SPATA18: variants seen among roughly 807,000 people sequenced by gnomAD.
The protein encoded by SPATA18 is mitochondria-eating protein.
SPATA18 carries 54 observed loss-of-function variants against 68.1 expected under a neutral mutation model. The observed-to-expected ratio is 0.79, with a 90% CI of 0.64 to 0.99. The LOEUF (loss-of-function observed/expected upper bound fraction) is 0.99, where lower values mean the gene tolerates loss of function less well. Among genes scored for constraint, SPATA18 ranks in the 50% least tolerant of loss-of-function variants. SPATA18 has a pLI of 0.00. For missense variants in SPATA18, 724 were observed against 681.1 expected, an observed-to-expected ratio of 1.06 and a Z score of -0.70; for synonymous variants, 242 against 244.8, an observed-to-expected ratio of 0.99 and a Z score of 0.11.
intron 4 of SPATA18, among the ~76,000 whole-genome samples, chr4:52,064,057 A>C (rs1739114561): frequency 6.6e-6 from 1 of 152,178 alleles, no homozygotes. Flanking sequence ...ATGCTTTAAA[A>C]AAACTTTTCA....
Position 52,062,306 on chromosome 4 carries a change from G to T in SPATA18, c.396G>T (p.Arg132=). 6.2e-7 allele frequency: 1 copy of T among 1,610,824 alleles called. No homozygotes were observed. Among genetic ancestry groups the T allele is most frequent in the Non-Finnish European group, 8.5e-7 (1 of 1,178,170 alleles). ...QQLDSNLNST[R]SQCNQVQDDL... Reference sequence around the variant, plus strand: ...TAGACTCTAATTTGAACTCAACCCGGAGTCAATGCAACCAGGTTCAAGACG... The same window carrying T: ...TAGACTCTAATTTGAACTCAACCCGTAGTCAATGCAACCAGGTTCAAGACG... Residue 132 remains arginine, a synonymous_variant, in exon 4 of 13, where the codon CGG becomes CGT. Coordinates refer to ENST00000295213, the MANE Select transcript of SPATA18 (RefSeq NM_145263.4).
chr4:52,054,058 G>A (rs1248128897), intron 1 of SPATA18, among the ~76,000 whole-genome samples: 2 of 152,194 alleles, frequency 1.3e-5, no homozygotes, highest in Admixed American at 6.5e-5. Flanking sequence ...GAGCAATGCT[G>A]TCCAATAGAA....
At chr4:52,092,348 A>G (rs944421745) in intron 11 of SPATA18, among the ~76,000 whole-genome samples, 1 of 152,036 alleles carries the variant, frequency 6.6e-6, no homozygotes, top group Non-Finnish European at 1.5e-5. Context: ...CTGGTGAGGT[A>G]GTCACTGGAG....
intron 6 of SPATA18, among the ~76,000 whole-genome samples, chr4:52,073,855 A>G (rs1335362093): frequency 2.0e-5 from 3 of 152,198 alleles, no homozygotes; most frequent in African/African-American, 7.2e-5. Flanking sequence ...TTCCAGACAC[A>G]TTAATGTAGA....
chr4:52,061,487 A>AAATAATAATAATAATAATAATAAT (rs3050629), intron 3 of SPATA18, among the ~76,000 whole-genome samples: 1 of 143,538 alleles, frequency 7.0e-6, no homozygotes, highest in Non-Finnish European at 1.5e-5. Flanking sequence ...CCTAAAGTAA[A>AAATAATAATAATAATAATAATAAT]AATAATAATA....
At chr4:52,065,037 T>C (rs1007447374) in intron 4 of SPATA18, among the ~76,000 whole-genome samples, 1 of 152,192 alleles carries the variant, frequency 6.6e-6, no homozygotes, top group Non-Finnish European at 1.5e-5. Context: ...ATGCTGAGCA[T>C]TTTTTTCATA....
intron 1 of SPATA18, 59 bp downstream of exon 1, chr4:52,051,850 T>G: frequency 6.6e-7 from 1 of 1,504,176 alleles, no homozygotes; most frequent in Non-Finnish European, 9.2e-7. Flanking sequence ...GCACAGCCCT[T>G]GTCGGGGATT....
At position 52,079,749 on chromosome 4, in the gene SPATA18, G is replaced by A. The variant is rs769505743; in HGVS notation, c.1185G>A (p.Val395=). The change falls in exon 9 of 13, where the codon GTG becomes GTA. Residue 395 remains valine (V), a synonymous_variant. Coordinates refer to ENST00000295213, the MANE Select transcript of SPATA18 (RefSeq NM_145263.4). The part of the protein sequence containing the change: ...LYDSQSSVND[V]IRAMNVNPKI... ...TGCCATCTTTTGTTTTTCAGGATGTGATCCGAGCCATGAATGTCAATCCCA... is the reference window on the plus strand; with the variant it reads ...TGCCATCTTTTGTTTTTCAGGATGTAATCCGAGCCATGAATGTCAATCCCA... 1.2e-6 allele frequency: 2 copies of A among 1,613,720 alleles called. No homozygotes were observed. Among genetic ancestry groups the A allele is most frequent in the South Asian group, 1.1e-5 (1 of 91,016 alleles).
At position 52,078,758 on chromosome 4, in the gene SPATA18, G is replaced by T. The variant is rs757922815; in HGVS notation, c.1044G>T (p.Met348Ile). 5 of 1,583,766 alleles carry T rather than the reference G, an allele frequency of 3.2e-6. No individual in the cohort carries two copies. The African/African-American group carries it at 6.7e-5, about 21-fold the overall frequency. The stretch of plus-strand genomic sequence containing the variant: ...AGGAGGCATTCCATGTAGCAAAAAT[G>T]GCATTCAGACACTTCAAGATCCATG... Reference protein sequence around the residue: ...ATVEAFHVAKMAFRHFKIHVR... With the variant: ...ATVEAFHVAKIAFRHFKIHVR... Residue 348 changes from methionine (M) to isoleucine (I), a missense_variant, in exon 8 of 13, where the codon ATG becomes ATT. Met to Ile is a conservative substitution (Grantham distance 10). Coordinates refer to ENST00000295213, the MANE Select transcript of SPATA18 (RefSeq NM_145263.4).
chr4:52,051,445 T>A lies in SPATA18; in HGVS notation c.-260T>A. Reference sequence around the variant, plus strand: ...ATCGCCAGGGTATCTATGGCCGGGCTCAGGCGGCTGCTGGGGAGCCAGGAG... The same window carrying A: ...ATCGCCAGGGTATCTATGGCCGGGCACAGGCGGCTGCTGGGGAGCCAGGAG... On this transcript the variant is annotated 5_prime_UTR_variant, in exon 1 of 13. Coordinates refer to ENST00000295213, the MANE Select transcript of SPATA18 (RefSeq NM_145263.4). 1 of 522,198 alleles carries A rather than the reference T, an allele frequency of 1.9e-6. No individual in the cohort carries two copies. The highest frequency in any genetic ancestry group is 2.8e-5 in the South Asian group (1 of 35,496). The allele number at this position is 522,198 out of a possible 1,614,324, so 32.3% of individuals were successfully genotyped here.
intron 1 of SPATA18, among the ~76,000 whole-genome samples, chr4:52,059,378 TG>T (rs1447646400): frequency 1.3e-5 from 2 of 152,202 alleles, no homozygotes; most frequent in Admixed American, 6.5e-5. Context: ...GTTTGTTGCT[TG>T]TAGTTGTATT....
intron 11 of SPATA18, among the ~76,000 whole-genome samples, chr4:52,089,407 G>A (rs542280157): frequency 4.6e-5 from 7 of 152,162 alleles, no homozygotes; most frequent in Middle Eastern, 3.4e-3. Context: ...TTCCTGCTTT[G>A]TCTTATGGGT....
At chr4:52,067,552 C>T (rs1739416166) in intron 4 of SPATA18, among the ~76,000 whole-genome samples, 1 of 152,158 alleles carries the variant, frequency 6.6e-6, no homozygotes, top group Non-Finnish European at 1.5e-5. Flanking sequence ...CTTCCATTGC[C>T]TGAAAGAACT....
At position 52,072,003 on chromosome 4, in the gene SPATA18, G is replaced by C; in HGVS notation, c.605G>C (p.Ser202Thr). ...GAGAATAGGCGGTCAGAGCCTTGGA[G>C]CTTGGAGGAGCGGAAGCGTGAGCAG... The part of the protein sequence containing the change: ...SSENRRSEPW[S>T]LEERKREQWN... The change falls in exon 6 of 13, where the codon AGC (serine) becomes ACC (threonine). Residue 202 changes from serine to threonine, a missense_variant. Ser to Thr is a moderately conservative substitution (Grantham distance 58, BLOSUM62 1). Transcript: ENST00000295213. 6.2e-7 allele frequency: 1 copy of C among 1,614,010 alleles called. No homozygotes were observed. Among genetic ancestry groups the C allele is most frequent in the South Asian group, 1.1e-5 (1 of 91,072 alleles).
At chr4:52,088,649 A>G (rs1347355351) in intron 11 of SPATA18, among the ~76,000 whole-genome samples, 4 of 152,162 alleles carry the variant, frequency 2.6e-5, no homozygotes, top group Admixed American at 1.3e-4. Context: ...TTCATAGTGG[A>G]TAAGCTTTTT....
chr4:52,062,925 A>G (rs1447734119), intron 4 of SPATA18, among the ~76,000 whole-genome samples: 1 of 152,224 alleles, frequency 6.6e-6, no homozygotes, highest in African/African-American at 2.4e-5. Flanking sequence ...AAGCAATTCC[A>G]GGCAACAACA....
chr4:52,096,155 C>T lies in SPATA18; in HGVS notation c.*1268C>T, dbSNP rs1742402054. Reference sequence around the variant, plus strand: ...TTTGAGGGACCTCTTCAGTGCCTGCCCCTTGAGTCTAATGGTCACCACCTC... The same window carrying T: ...TTTGAGGGACCTCTTCAGTGCCTGCTCCTTGAGTCTAATGGTCACCACCTC... On this transcript the variant is annotated 3_prime_UTR_variant, in exon 13 of 13. Transcript: ENST00000295213. The T allele has an allele frequency of 6.6e-6, 1 of 152,110 alleles. No individual in the cohort carries two copies. Among genetic ancestry groups the T allele is most frequent in the Non-Finnish European group, 1.5e-5 (1 of 68,024 alleles). The allele number at this position is 152,110 out of a possible 1,614,324, so 9.4% of individuals were successfully genotyped here.
chr4:52,062,362 A>G (rs1214591305), intron 4 of SPATA18, 30 bp downstream of exon 4: 17 of 1,445,260 alleles, frequency 1.2e-5, no homozygotes, highest in Non-Finnish European at 1.5e-5. Context: ...TCTTTTTCCA[A>G]AAAGAATTGT....
At chr4:52,057,606 C>T (rs548389124) in intron 1 of SPATA18, among the ~76,000 whole-genome samples, 1 of 152,238 alleles carries the variant, frequency 6.6e-6, no homozygotes, top group South Asian at 2.1e-4. Context: ...TTATTGTGTA[C>T]CTCTTTTATG....
Sources: allele counts gnomAD v4.1 joint callset (sites outside exome capture counted in the v4.1 genomes callset), GRCh38; gene constraint gnomAD v4.1.1; transcripts MANE v1.5; gene names NCBI Gene and HGNC (gene_info 2026-07-23, HGNC 2026-07-21).